The following RORA variants were observed in gnomAD, a reference collection of about 807,000 sequenced individuals.
RORA encodes nuclear receptor ROR-alpha.
RORA carries 7 observed loss-of-function variants against 69.5 expected under a neutral mutation model. The ratio of observed to expected loss-of-function variants is 0.10; its 90% CI spans 0.06 to 0.19. The LOEUF is 0.19. RORA is among the 10% of genes least tolerant of loss of function. RORA has a pLI of 1.00. For missense variants in RORA, 457 were observed against 663.0 expected (o/e 0.69, Z 3.41); for synonymous variants, 261 against 240.8 (o/e 1.08, Z -0.78).
intron 1 of RORA, among the ~76,000 whole-genome samples, chr15:60,892,529 G>A (rs550223837): frequency 2.0e-5 from 3 of 152,094 alleles, no homozygotes; most frequent in South Asian, 2.1e-4. Flanking sequence ...AGCACTGTTG[G>A]TACCACCAGT....
chr15:61,052,102 AC>A (rs1483060265), intron 1 of RORA, among the ~76,000 whole-genome samples: 4 of 152,228 alleles, frequency 2.6e-5, no homozygotes, highest in Admixed American at 6.5e-5. Flanking sequence ...GATCTGTCCT[AC>A]ATCCCAGAGT....
intron 1 of RORA, among the ~76,000 whole-genome samples, chr15:60,991,563 AG>A (rs11323594): frequency 0.73 from 110,734 of 152,030 alleles, 40,751 homozygotes; most frequent in African/African-American, 0.84. Flanking sequence ...AGATGAAAAA[AG>A]TTTAAAAGTA....
At chr15:61,066,170 A>C (rs972967781) in intron 1 of RORA, among the ~76,000 whole-genome samples, 2 of 152,174 alleles carry the variant, frequency 1.3e-5, no homozygotes, top group African/African-American at 4.8e-5. Context: ...ATTTTCACCT[A>C]TCACTCATCA....
At position 60,804,986 on chromosome 15, in the gene RORA, G is replaced by C. The variant is rs144539616; in HGVS notation, c.167-126300C>G. On this transcript the variant is annotated intron_variant, in intron 1 of 10. Coordinates refer to ENST00000335670, the MANE Select transcript of RORA (RefSeq NM_134261.3). Reference sequence around the variant, plus strand: ...TAAACACAATTTCCTCATCGCCCAAGTAAATCAAGGGAAAATGGCTTCCCA... The same window carrying C: ...TAAACACAATTTCCTCATCGCCCAACTAAATCAAGGGAAAATGGCTTCCCA... Among the ~76,000 whole-genome samples the C allele has an allele frequency of 2.0e-4, 30 of 152,308 alleles. 1 individual carries two copies. In the East Asian group the frequency reaches 5.6e-3, roughly 28 times the overall value.
intron 1 of RORA, among the ~76,000 whole-genome samples, chr15:61,089,771 A>T (rs79211261): frequency 6.6e-6 from 1 of 152,304 alleles, no homozygotes; most frequent in African/African-American, 2.4e-5. Context: ...AAGTCCTGGG[A>T]TTGGTTTCCT....
chr15:60,649,415 C>T (rs1056377486), intron 2 of RORA, among the ~76,000 whole-genome samples: 1 of 152,132 alleles, frequency 6.6e-6, no homozygotes, highest in African/African-American at 2.4e-5. Context: ...GGGACACTGA[C>T]ATTTTGGAGG....
rs2071555332 is a variant in RORA at position 60,740,098 on chromosome 15, G to A, written c.167-61412C>T. On this transcript the variant is annotated intron_variant, in intron 1 of 10. Coordinates refer to ENST00000335670, the MANE Select transcript of RORA (RefSeq NM_134261.3). ...GCGGGGGAAACTGGAAAGGGGACTTGAGATTATCACTCCCTTTTTTTTAGC... is the reference window on the plus strand; with the variant it reads ...GCGGGGGAAACTGGAAAGGGGACTTAAGATTATCACTCCCTTTTTTTTAGC... Among the ~76,000 whole-genome samples, 3 of 152,126 alleles carry A rather than the reference G, an allele frequency of 2.0e-5. 1 individual carries two copies. The South Asian group carries it at 6.2e-4, about 32-fold the overall frequency.
chr15:60,899,836 C>A (rs573844530), intron 1 of RORA, among the ~76,000 whole-genome samples: 1 of 152,212 alleles, frequency 6.6e-6, no homozygotes, highest in East Asian at 1.9e-4. Flanking sequence ...AAATGTCAGA[C>A]CACAAAGTCA....
chr15:60,812,865 T>C (rs940811297), intron 1 of RORA, among the ~76,000 whole-genome samples: 6 of 152,134 alleles, frequency 3.9e-5, no homozygotes, highest in East Asian at 1.9e-4. Context: ...TAGGTGAACA[T>C]CATCCAGAAG....
chr15:60,922,195 G>A (rs535919786), intron 1 of RORA, among the ~76,000 whole-genome samples: 1 of 152,320 alleles, frequency 6.6e-6, no homozygotes, highest in South Asian at 2.1e-4. Context: ...AATAGGTGGA[G>A]CACAGAGGAT....
intron 1 of RORA, among the ~76,000 whole-genome samples, chr15:60,828,777 A>G (rs1416728651): frequency 1.3e-5 from 2 of 152,106 alleles, no homozygotes; most frequent in South Asian, 2.1e-4. Context: ...CCTGATTCCC[A>G]TTGATTTTGA....
chr15:61,008,258 C>T (rs1894986056), intron 1 of RORA, among the ~76,000 whole-genome samples: 1 of 146,898 alleles, frequency 6.8e-6, no homozygotes, highest in African/African-American at 2.5e-5. Context: ...AAATGAACGA[C>T]AAAAAATGAA....
intron 1 of RORA, among the ~76,000 whole-genome samples, chr15:61,007,510 G>A (rs1039361398): frequency 4.6e-5 from 7 of 151,812 alleles, no homozygotes; most frequent in East Asian, 1.9e-4. Flanking sequence ...TGTTCAATAC[G>A]TTTGTGTTGT....
At chr15:60,903,501 A>G (rs1451952240) in intron 1 of RORA, among the ~76,000 whole-genome samples, 1 of 152,204 alleles carries the variant, frequency 6.6e-6, no homozygotes, top group Non-Finnish European at 1.5e-5. Context: ...TCCAGTTTGC[A>G]TCAGGCCTCC....
chr15:60,662,994 C>A (rs540119714), intron 2 of RORA, among the ~76,000 whole-genome samples: 1 of 152,268 alleles, frequency 6.6e-6, no homozygotes, highest in East Asian at 1.9e-4. Flanking sequence ...AGCTGGCACC[C>A]AATGGCTGCC....
intron 1 of RORA, among the ~76,000 whole-genome samples, chr15:60,771,751 C>T (rs1370176064): frequency 6.6e-6 from 1 of 152,184 alleles, no homozygotes; most frequent in African/African-American, 2.4e-5. Flanking sequence ...TAATACAAAA[C>T]ACAGTCTTAT....
At chr15:60,713,308 C>G (rs1278806215) in intron 1 of RORA, among the ~76,000 whole-genome samples, 1 of 152,216 alleles carries the variant, frequency 6.6e-6, no homozygotes, top group East Asian at 1.9e-4. Context: ...GGAAATGGCT[C>G]CTCAGCTCCT....
At chr15:61,124,127 C>CT (rs1345619467) in intron 1 of RORA, among the ~76,000 whole-genome samples, 2 of 152,234 alleles carry the variant, frequency 1.3e-5, no homozygotes, top group African/African-American at 4.8e-5. Flanking sequence ...TTGCTGCTTC[C>CT]TGAGGTCAGC....
At chr15:61,013,801 T>C (rs1895176640) in intron 1 of RORA, among the ~76,000 whole-genome samples, 1 of 135,044 alleles carries the variant, frequency 7.4e-6, no homozygotes, top group Non-Finnish European at 1.5e-5. Context: ...TTTTTTTTTT[T>C]TGGAGGGTGT....
Sources: gnomAD v4.1 joint callset for allele counts (sites outside exome capture counted in the v4.1 genomes callset) on GRCh38, gnomAD v4.1.1 for gene constraint, MANE v1.5 for transcripts, NCBI Gene and HGNC (gene_info 2026-07-23, HGNC 2026-07-21) for gene names.